WDR17: variants seen among roughly 807,000 people sequenced by gnomAD.
The protein encoded by WDR17 is WD repeat-containing protein 17.
Under a neutral mutation model 161.7 loss-of-function variants are expected in WDR17, and 143 were observed. The ratio of observed to expected loss-of-function variants is 0.88; its 90% confidence interval spans 0.77 to 1.02. WDR17 has a LOEUF of 1.02. Among genes scored for constraint, WDR17 ranks in the 50% least tolerant of loss-of-function variants. WDR17 has a pLI of 0.00. For synonymous variants in WDR17, 517 were observed against 515.6 expected (o/e 1.00, Z -0.04); for missense variants, 1,469 against 1,520.9 (o/e 0.97, Z 0.57).
chr4:176,071,108 A>G (rs948079066), intron 1 of WDR17, among the ~76,000 whole-genome samples: 3 of 132,108 alleles, frequency 2.3e-5, no homozygotes, highest in Non-Finnish European at 5.1e-5. Flanking sequence ...AATTTATGGC[A>G]GAGTTCCTCA....
chr4:176,170,470 C>A (rs1265214449), intron 23 of WDR17, among the ~76,000 whole-genome samples: 1 of 152,088 alleles, frequency 6.6e-6, no homozygotes. Flanking sequence ...CATGCACCAT[C>A]ACACCCAGCT....
chr4:176,091,843 C>T (rs1235468020), intron 1 of WDR17, among the ~76,000 whole-genome samples: 2 of 152,010 alleles, frequency 1.3e-5, no homozygotes, highest in Admixed American at 6.6e-5. Context: ...TTAGCAATTA[C>T]ATGTCAATAA....
chr4:176,167,437 G>C lies in WDR17; in HGVS notation c.2991-1235G>C, dbSNP rs563292840. Among the ~76,000 whole-genome samples, 5 of 150,992 alleles carry C rather than the reference G, an allele frequency of 3.3e-5. No individual in the cohort carries two copies. In the East Asian group the frequency reaches 9.9e-4, roughly 30 times the overall value. On this transcript the variant is annotated intron_variant, in intron 22 of 28. Transcript: ENST00000508596. ...CGAGGCGGGCGGATCACGAGGTCAG[G>C]AGATCGAGACCATCCTGGCTAACAC...
At chr4:176,150,368 T>C in intron 15 of WDR17, 100 bp from the exon 16 acceptor site, 1 of 1,483,002 alleles carries the variant, frequency 6.7e-7, no homozygotes, top group South Asian at 1.4e-5. Context: ...TTGTTAATTT[T>C]TAAATTTAGA....
chr4:176,147,797 A>AAT (rs373689869), intron 12 of WDR17, among the ~76,000 whole-genome samples: 1 of 78,574 alleles, frequency 1.3e-5, no homozygotes, highest in Non-Finnish European at 2.8e-5. Flanking sequence ...TACTACCAGT[A>AAT]ATGAGTAAAA....
rs1315094459 is a variant in WDR17, at chr4:176,155,984, A to G, written c.2461-95A>G. On this transcript the variant is annotated intron_variant, in intron 17 of 28. Transcript: ENST00000508596. ...TCAAGAACTCAAATATAAAAATACTATATTATAAATACCAATCTATTTTTT... is the reference window on the plus strand; with the variant it reads ...TCAAGAACTCAAATATAAAAATACTGTATTATAAATACCAATCTATTTTTT... The G allele has an allele frequency of 1.7e-5, 19 of 1,093,994 alleles. 1 individual carries two copies. The South Asian group carries it at 1.9e-4, about 11-fold the overall frequency. 67.8% of individuals were successfully genotyped at this position (1,093,994 alleles called of 1,614,324 possible).
rs546230385 is a variant in WDR17, at chr4:176,083,614, A to G, written c.-7+17535A>G. ...CTATTAAAGTATACTTGAGCAGTTT[A>G]TACTTTATAAATAGAAATACTGTGA... On this transcript the variant is annotated intron_variant, in intron 1 of 28. Transcript: ENST00000508596. Among the ~76,000 whole-genome samples, 16 of 152,264 alleles carry G rather than the reference A, an allele frequency of 1.1e-4. No individual in the cohort carries two copies. The South Asian group carries it at 3.3e-3, about 32-fold the overall frequency.
rs1308120048 is a variant in WDR17, at chr4:176,148,207, G to T, written c.1769G>T (p.Gly590Val). 1 of 1,614,026 alleles carries T rather than the reference G, an allele frequency of 6.2e-7. No homozygotes were observed. Among genetic ancestry groups the T allele is most frequent in the Non-Finnish European group, 8.5e-7 (1 of 1,179,976 alleles). ...ILNGHTAPVR[G>V]LMWNTEIPYL... is the part of the protein sequence containing the mutation. ...AATGGACACACTGCACCTGTGAGAG[G>T]ATTAATGTGGAATACTGAGATTCCA... is the stretch of plus-strand genomic sequence containing the variant. The change falls in exon 13 of 29, where the codon GGA (glycine) becomes GTA (valine). Residue 590 changes from glycine (G) to valine (V), a missense_variant. Transcript: ENST00000508596.
intron 1 of WDR17, among the ~76,000 whole-genome samples, chr4:176,093,003 C>A (rs1392604093): frequency 6.6e-6 from 1 of 152,076 alleles, no homozygotes; most frequent in Non-Finnish European, 1.5e-5. Flanking sequence ...GATTGTGCCA[C>A]TACACTCCAG....
At chr4:176,119,598 A>C (rs1202436431) in intron 3 of WDR17, among the ~76,000 whole-genome samples, 1 of 152,176 alleles carries the variant, frequency 6.6e-6, no homozygotes, top group African/African-American at 2.4e-5. Flanking sequence ...TAAAATAAAA[A>C]AGTCTATAAA....
chr4:176,128,686 T>C (rs1310301699), intron 5 of WDR17, 52 bp from the exon 6 acceptor site: 4 of 1,564,760 alleles, frequency 2.6e-6, no homozygotes, highest in Non-Finnish European at 3.5e-6. Flanking sequence ...GTCTAGGCAT[T>C]TTAGTTTCAT....
In WDR17 at chr4:176,085,195, G is replaced by A. The variant is rs766842722; in HGVS notation, c.-7+19116G>A. Among the ~76,000 whole-genome samples the A allele has an allele frequency of 9.2e-4, 139 of 151,906 alleles. 1 individual carries two copies. The highest frequency in any genetic ancestry group is 1.6e-3 in the Admixed American group (24 of 15,208). ...TTAAATCTGAAGATTAATTTTGAGA[G>A]AATTTACATTTTCACATTTAATCTA... On this transcript the variant is annotated intron_variant, in intron 1 of 28. Transcript: ENST00000508596.
At chr4:176,069,945 T>C (rs1047964216) in intron 1 of WDR17, among the ~76,000 whole-genome samples, 1 of 152,204 alleles carries the variant, frequency 6.6e-6, no homozygotes, top group African/African-American at 2.4e-5. Flanking sequence ...TGACTTTTAA[T>C]GAAAAGAGTT....
At chr4:176,130,927 A>G (rs1314769604) in intron 6 of WDR17, among the ~76,000 whole-genome samples, 1 of 152,084 alleles carries the variant, frequency 6.6e-6, no homozygotes, top group African/African-American at 2.4e-5. Flanking sequence ...AATAATATAT[A>G]AAAATAATCA....
At chr4:176,084,596 T>C (rs1735183240) in intron 1 of WDR17, among the ~76,000 whole-genome samples, 1 of 151,928 alleles carries the variant, frequency 6.6e-6, no homozygotes, top group South Asian at 2.1e-4. Flanking sequence ...TGTTTTCCCT[T>C]GTGATTGGCA....
intron 22 of WDR17, 141 bp from the exon 23 acceptor site, chr4:176,168,527 ATAAT>A (rs902338482): frequency 1.4e-5 from 12 of 862,210 alleles, no homozygotes; most frequent in African/African-American, 1.7e-5. Context: ...CAGTAGTTTC[ATAAT>A]TAAGTAGGCT....
intron 7 of WDR17, among the ~76,000 whole-genome samples, chr4:176,133,186 T>TTA (rs1267038521): frequency 1.1e-4 from 15 of 142,536 alleles, no homozygotes; most frequent in Admixed American, 3.5e-4. Flanking sequence ...TTATTTTTAT[T>TTA]TTTTTTTTTT....
At chr4:176,145,255 C>G (rs989571264) in intron 11 of WDR17, among the ~76,000 whole-genome samples, 2 of 95,908 alleles carry the variant, frequency 2.1e-5, no homozygotes, top group Admixed American at 9.6e-5. Flanking sequence ...TCCTACTACT[C>G]ATAATTCCTT....
Position 176,074,809 on chromosome 4 carries a change from G to GC in WDR17, c.-7+8731dup, listed in dbSNP as rs1457583034. On this transcript the variant is annotated intron_variant, in intron 1 of 28. Coordinates refer to ENST00000508596, the MANE Select transcript of WDR17 (RefSeq NM_181265.4). Reference sequence around the variant, plus strand: ...CTGGGCATGCGGGATTTTTTTTAATGCTTTTTTTTTTTTTTTTTTTTTTGC... The same window carrying GC: ...CTGGGCATGCGGGATTTTTTTTAATGCCTTTTTTTTTTTTTTTTTTTTTTGC... Among the ~76,000 whole-genome samples the GC allele has an allele frequency of 8.4e-5, 6 of 71,310 alleles. No homozygotes were observed. The South Asian group carries it at 3.4e-3, about 40-fold the overall frequency. 46.8% of individuals were successfully genotyped at this position (71,310 alleles called of 152,430 possible).
Sources: allele counts gnomAD v4.1 joint callset (sites outside exome capture counted in the v4.1 genomes callset), GRCh38; gene constraint gnomAD v4.1.1; transcripts MANE v1.5; gene names NCBI Gene and HGNC (gene_info 2026-07-23, HGNC 2026-07-21).